Variants in CDC25A observed in about 807,000 individuals in gnomAD.
CDC25A encodes cell division cycle 25A.
CDC25A carries 17 observed loss-of-function variants against 64.6 expected under a neutral mutation model. The ratio of observed to expected loss-of-function variants is 0.26; its 90% confidence interval spans 0.18 to 0.39. The LOEUF (loss-of-function observed/expected upper bound fraction) is 0.39. Among genes scored for constraint, CDC25A ranks in the 10% least tolerant of loss-of-function variants. The probability of loss-of-function intolerance (pLI) is 1.00; values close to 1 mark genes in which losing one functional copy is unlikely to be tolerated. For missense variants in CDC25A, 473 were observed against 654.8 expected (o/e 0.72, Z 3.03); for synonymous variants, 229 against 238.6 (o/e 0.96, Z 0.37).
At chr3:48,174,065 A>T (rs1377462942) in intron 9 of CDC25A, among the ~76,000 whole-genome samples, 1 of 152,172 alleles carries the variant, frequency 6.6e-6, no homozygotes, top group Non-Finnish European at 1.5e-5. Flanking sequence ...AGGCCAAGGC[A>T]GGAGGATCAC....
intron 12 of CDC25A, among the ~76,000 whole-genome samples, chr3:48,164,718 T>C (rs139070788): frequency 0.011 from 1,710 of 152,152 alleles, 17 homozygotes; most frequent in Non-Finnish European, 0.018. Flanking sequence ...TTTTATAAAT[T>C]TGGGGATTTT....
intron 13 of CDC25A, among the ~76,000 whole-genome samples, chr3:48,160,373 TG>T (rs1301556300): frequency 6.7e-6 from 1 of 148,196 alleles, no homozygotes; most frequent in Non-Finnish European, 1.5e-5. Flanking sequence ...CCTCCCAAAG[TG>T]TTGGGATTAC....
chr3:48,186,709 C>T lies in CDC25A; in HGVS notation c.241G>A (p.Asp81Asn). ...ACACAGCAGACTTAAATACCTGAAT[C>T]TGTTGACTCGGAGGAGCCCATTCTC... Reference protein sequence around the residue: ...LQRMGSSESTDSGFCLDSPGP... With the variant: ...LQRMGSSESTNSGFCLDSPGP... Residue 81 changes from aspartate (D) to asparagine (N), a missense_variant, in exon 2 of 15, where the codon GAT (aspartate) becomes AAT (asparagine). Physicochemically the swap from Asp to Asn is conservative, Grantham distance 23 (BLOSUM62 1). Coordinates refer to ENST00000302506, the MANE Select transcript of CDC25A (RefSeq NM_001789.3). 6.3e-7 allele frequency: 1 copy of T among 1,591,542 alleles called. No individual in the cohort carries two copies. Among genetic ancestry groups the T allele is most frequent in the Non-Finnish European group, 8.6e-7 (1 of 1,163,226 alleles).
rs1254065009 is a variant in CDC25A at position 48,184,640 on chromosome 3, A to G, written c.290+13T>C. On this transcript the variant is annotated intron_variant, in intron 3 of 14. Transcript: ENST00000302506. ...TTTCTACATATAAACATTTGAAAGC[A>G]GTGAATACATACTTTTCTTTACTGT... is the stretch of plus-strand genomic sequence containing the variant. The G allele has an allele frequency of 6.4e-7, 1 of 1,572,548 alleles. No individual in the cohort carries two copies. Among genetic ancestry groups the G allele is most frequent in the Admixed American group, 1.9e-5 (1 of 53,664 alleles).
chr3:48,179,459 T>C (rs995875200), intron 6 of CDC25A, among the ~76,000 whole-genome samples: 3 of 152,168 alleles, frequency 2.0e-5, no homozygotes, highest in African/African-American at 7.2e-5. Context: ...AGCCTCGAAT[T>C]CTTGGGCTCA....
intron 8 of CDC25A, among the ~76,000 whole-genome samples, chr3:48,175,703 T>C (rs1575267970): frequency 6.6e-6 from 1 of 152,238 alleles, no homozygotes; most frequent in Admixed American, 6.5e-5. Context: ...CTTATGACTC[T>C]AAAATCAAAT....
intron 8 of CDC25A, 108 bp from the exon 9 acceptor site, chr3:48,174,565 A>G: frequency 8.9e-7 from 1 of 1,117,624 alleles, no homozygotes; most frequent in Non-Finnish European, 1.3e-6. Context: ...ATCAATTCTA[A>G]ATTAGCCAAC....
At chr3:48,181,726 A>G in intron 5 of CDC25A, 1 of 777,808 alleles carries the variant, frequency 1.3e-6, no homozygotes, top group Non-Finnish European at 2.4e-6. Flanking sequence ...CCTGGAAGTA[A>G]AGACTGGCTG....
chr3:48,187,207 AT>A (rs1209426988), intron 1 of CDC25A, among the ~76,000 whole-genome samples: 1 of 152,158 alleles, frequency 6.6e-6, no homozygotes, highest in Non-Finnish European at 1.5e-5. Flanking sequence ...CGTGGGATGC[AT>A]TTTTTGCTAT....
intron 6 of CDC25A, 108 bp from the exon 7 acceptor site, chr3:48,178,096 T>A: frequency 8.9e-7 from 1 of 1,118,534 alleles, no homozygotes; most frequent in Non-Finnish European, 1.3e-6. Context: ...ATACTTGTTA[T>A]ACAAAGCAAA....
At chr3:48,181,706 AAAG>A (rs769249233) in intron 5 of CDC25A, 17 of 843,822 alleles carry the variant, frequency 2.0e-5, no homozygotes, top group Non-Finnish European at 3.5e-5. Flanking sequence ...GCGACCCAAT[AAAG>A]AAGTTACCTG....
chr3:48,164,119 G>A (rs754472476), intron 13 of CDC25A, among the ~76,000 whole-genome samples, 188 bp downstream of exon 13: 1 of 152,202 alleles, frequency 6.6e-6, no homozygotes, highest in Non-Finnish European at 1.5e-5. Flanking sequence ...ATCAGACTAA[G>A]GACAGTCGGG....
rs3731522 is a variant in CDC25A at position 48,173,717 on chromosome 3, T to G, written c.930+567A>C. 7.6e-4 allele frequency among the ~76,000 whole-genome samples: 116 copies of G among 152,296 alleles called. 2 individuals are homozygous for G. The highest frequency in any genetic ancestry group is 7.2e-3 in the South Asian group (35 of 4,830). ...GGAGTTTGTGCTGGGGAACCCGGAC[T>G]TCCACCCATGCCTTTCTTGCAGTAT... On this transcript the variant is annotated intron_variant, in intron 9 of 14. Transcript: ENST00000302506.
intron 9 of CDC25A, among the ~76,000 whole-genome samples, chr3:48,168,268 C>A (rs2032118417): frequency 6.6e-6 from 1 of 150,656 alleles, no homozygotes; most frequent in South Asian, 2.1e-4. Flanking sequence ...GGGTTACTCA[C>A]TTGAGCCCAG....
rs11370901 is a variant in CDC25A at position 48,165,107 on chromosome 3, C to CAAAAAAAAAA, written c.1191+519_1191+528dup. On this transcript the variant is annotated intron_variant, in intron 12 of 14. Coordinates refer to ENST00000302506, the MANE Select transcript of CDC25A (RefSeq NM_001789.3). ...CCTGGCGACAGAGCGGACTCTGTCT[C>CAAAAAAAAAA]AAAAAAAAAAAAAAAAAAAGATTAA... Among the ~76,000 whole-genome samples the CAAAAAAAAAA allele has an allele frequency of 4.7e-3, 403 of 84,902 alleles. 12 individuals carry two copies. The highest frequency in any genetic ancestry group is 0.033 in the East Asian group (103 of 3,148). The allele number at this position is 84,902 out of a possible 152,430, so 55.7% of individuals were successfully genotyped here.
At chr3:48,173,834 A>G (rs1334232318) in intron 9 of CDC25A, among the ~76,000 whole-genome samples, 1 of 152,180 alleles carries the variant, frequency 6.6e-6, no homozygotes, top group East Asian at 1.9e-4. Flanking sequence ...CATACCAAGA[A>G]CCAGAAAAAT....
chr3:48,175,338 CA>C (rs987869334), intron 8 of CDC25A, among the ~76,000 whole-genome samples: 7 of 152,062 alleles, frequency 4.6e-5, no homozygotes, highest in Admixed American at 4.6e-4. Flanking sequence ...TTCCAGAGCC[CA>C]AGGGAAGCCA....
rs1254001381 is a variant in CDC25A at position 48,188,216 on chromosome 3, C to T, written c.-269G>A. On this transcript the variant is annotated 5_prime_UTR_variant, in exon 1 of 15. Coordinates refer to ENST00000302506, the MANE Select transcript of CDC25A (RefSeq NM_001789.3). ...CAGCGGGCGGGCGGGCGCCGGCAAC[C>T]TGAAGATTAAATCCAAACAAACGTG... 6.2e-6 allele frequency: 2 copies of T among 320,134 alleles called. No individual in the cohort carries two copies. Among genetic ancestry groups the T allele is most frequent in the Non-Finnish European group, 1.1e-5 (2 of 176,746 alleles). 19.8% of individuals were successfully genotyped at this position (320,134 alleles called of 1,614,324 possible).
intron 5 of CDC25A, chr3:48,181,481 G>A (rs1157262311): frequency 9.1e-6 from 7 of 772,602 alleles, no homozygotes; most frequent in Non-Finnish European, 1.6e-5. Flanking sequence ...GCTAGCACTG[G>A]CGTGGGTGGC....
Sources: gnomAD v4.1 joint callset for allele counts (sites outside exome capture counted in the v4.1 genomes callset) on GRCh38, gnomAD v4.1.1 for gene constraint, MANE v1.5 for transcripts, NCBI Gene and HGNC (gene_info 2026-07-23, HGNC 2026-07-21) for gene names.